Variants in SLC12A5 observed in about 807,000 individuals in gnomAD.
SLC12A5 encodes the protein K-Cl cotransporter 2.
Under a neutral mutation model 124.0 loss-of-function variants are expected in SLC12A5, and 18 were observed. The observed-to-expected ratio is 0.15, with a 90% CI of 0.10 to 0.22. The LOEUF (loss-of-function observed/expected upper bound fraction) is 0.22. Ranked by LOEUF, SLC12A5 falls within the 10% of genes least tolerant of loss-of-function variation. SLC12A5 has a pLI of 1.00. For missense variants in SLC12A5, 867 were observed against 1,478.7 expected (o/e 0.59, Z 6.78); for synonymous variants, 589 against 568.0 (o/e 1.04, Z -0.53).
At chr20:46,023,269 T>C (rs1666135266) in intron 2 of SLC12A5, 1 of 398,398 alleles carries the variant, frequency 2.5e-6, no homozygotes, top group Admixed American at 4.4e-5. Flanking sequence ...ATCTTTCTCA[T>C]AATCTCTTTT....
At chr20:46,043,556 G>A in intron 9 of SLC12A5, 77 bp from the exon 10 acceptor site, 1 of 1,462,234 alleles carries the variant, frequency 6.8e-7, no homozygotes. Context: ...CTGACCCTGA[G>A]GGTGGTGCCC....
chr20:46,057,323 G>A lies in SLC12A5; in HGVS notation c.3259+20G>A. On this transcript the variant is annotated intron_variant, in intron 25 of 25. Transcript: ENST00000243964. This position sits in a 1 kb window ranked among gnomAD's most constrained non-coding sequence, Gnocchi z 7.1. ...AAAACTGTATCCTGGAATTAAAATT[G>A]GGGGAAAGAGGGAGGTGGACGTCAG... is the stretch of plus-strand genomic sequence containing the variant. The A allele has an allele frequency of 6.2e-7, 1 of 1,613,642 alleles. No homozygotes were observed. The highest frequency in any genetic ancestry group is 8.5e-7 in the Non-Finnish European group (1 of 1,179,542).
chr20:46,026,425 C>T (rs1300280819), upstream of SLC12A5, among the ~76,000 whole-genome samples: 1 of 152,180 alleles, frequency 6.6e-6, no homozygotes, highest in African/African-American at 2.4e-5. Flanking sequence ...TTTTTACTGG[C>T]CAGTGCCAGG....
In SLC12A5 at chr20:46,044,978, T is replaced by G; in HGVS notation, c.1407T>G (p.Ala469=). 6.2e-7 allele frequency: 1 copy of G among 1,614,202 alleles called. No individual in the cohort carries two copies. The highest frequency in any genetic ancestry group is 2.2e-5 in the East Asian group (1 of 44,872). ...CACATCATTCCAGGTTTGGCGAAGC[T>G]GTGAATGGCAACCTCGTGGTGGGCA... ...GVVLRDKFGE[A]VNGNLVVGTL... is the part of the protein sequence containing the mutation. Residue 469 remains alanine, a synonymous_variant, in exon 12 of 26, where the codon GCT becomes GCG. Coordinates refer to ENST00000243964, the MANE Select transcript of SLC12A5 (RefSeq NM_020708.5).
intron 18 of SLC12A5, among the ~76,000 whole-genome samples, chr20:46,052,518 C>G (rs887579237): frequency 2.0e-5 from 3 of 152,210 alleles, no homozygotes; most frequent in Non-Finnish European, 4.4e-5. Flanking sequence ...ACCTGGCAAA[C>G]TACAGAGTAA....
chr20:46,047,528 C>A lies in SLC12A5; in HGVS notation c.1862C>A (p.Ala621Asp). 6.2e-7 allele frequency: 1 copy of A among 1,614,058 alleles called. No individual in the cohort carries two copies. The highest frequency in any genetic ancestry group is 8.5e-7 in the Non-Finnish European group (1 of 1,179,960). ...TGCTCCTGGTATTATGCACTGGTAG[C>A]CATGCTCATTGCTGGACTCATCTAC... is the stretch of plus-strand genomic sequence containing the variant. ...FICSWYYALV[A>D]MLIAGLIYKY... Residue 621 changes from alanine (A) to aspartate (D), a missense_variant, in exon 15 of 26, where the codon GCC becomes GAC. Physicochemically the swap from Ala to Asp is moderately radical, Grantham distance 126. Around this residue, in one of 9 missense-constraint regions of SLC12A5, gnomAD observed 152 missense variants for 358.7 expected, o/e 0.42. Coordinates refer to ENST00000243964, the MANE Select transcript of SLC12A5 (RefSeq NM_020708.5).
At chr20:46,031,285 C>G (rs1174976456) in intron 1 of SLC12A5, among the ~76,000 whole-genome samples, 1 of 152,192 alleles carries the variant, frequency 6.6e-6, no homozygotes, top group Non-Finnish European at 1.5e-5. Flanking sequence ...CTGAGTGCAG[C>G]GGACCCATCT....
At chr20:46,048,115 G>A in intron 16 of SLC12A5, 30 bp downstream of exon 16, 1 of 1,573,232 alleles carries the variant, frequency 6.4e-7, no homozygotes. Flanking sequence ...GTGTGCATAA[G>A]AGTGTGTGTG....
At chr20:46,030,687 G>T (rs1266675154) in intron 1 of SLC12A5, among the ~76,000 whole-genome samples, 1 of 152,302 alleles carries the variant, frequency 6.6e-6, no homozygotes, top group African/African-American at 2.4e-5. Flanking sequence ...GAAAGAGCAG[G>T]GTCTTCTAGG....
chr20:46,024,566 T>C (rs142077928), upstream of SLC12A5, among the ~76,000 whole-genome samples: 83 of 152,354 alleles, frequency 5.4e-4, no homozygotes, highest in African/African-American at 1.9e-3. Context: ...GATAGCAGCA[T>C]GTCTAAGACT....
Position 46,056,172 on chromosome 20 carries a change from C to A in SLC12A5, c.2810C>A (p.Ser937Ter). ...EREIQSITDESRGSIRRKNPA... is the reference protein window; with the variant it reads ...EREIQSITDE ...TAGATCCAGAGTATCACAGATGAGT[C>A]ACGAGGCTCAATCCGGAGAAAGAAT... Residue 937 changes from serine to a stop codon, truncating the protein, a stop_gained, in exon 22 of 26, where the codon TCA (serine) becomes TAA (stop). Coordinates refer to ENST00000243964, the MANE Select transcript of SLC12A5 (RefSeq NM_020708.5). LOFTEE classifies it high-confidence loss of function. The surrounding 1 kb of genome is among the most constrained non-coding windows in gnomAD (Gnocchi z 4.3). 1 of 1,614,114 alleles carries A rather than the reference C, an allele frequency of 6.2e-7. No homozygotes were observed. The highest frequency in any genetic ancestry group is 1.1e-5 in the South Asian group (1 of 91,054).
intron 14 of SLC12A5, 57 bp downstream of exon 14, chr20:46,046,493 C>A: frequency 6.8e-6 from 10 of 1,474,112 alleles, no homozygotes; most frequent in Admixed American, 1.7e-5. Flanking sequence ...CACGCCAATC[C>A]TCATCTTACT....
intron 20 of SLC12A5, among the ~76,000 whole-genome samples, chr20:46,054,257 T>C (rs1199658941): frequency 6.6e-6 from 1 of 152,114 alleles, no homozygotes; most frequent in African/African-American, 2.4e-5. Context: ...TATCTAAACA[T>C]AGAAAAAATA....
At chr20:46,041,163 G>A (rs878962016) in intron 7 of SLC12A5, 166 bp from the exon 8 acceptor site, 958 of 503,908 alleles carry the variant, frequency 1.9e-3, no homozygotes, top group African/African-American at 3.1e-3. Flanking sequence ...GGGAGCTTAA[G>A]AAAAAAAAAA....
In SLC12A5 at chr20:46,046,004, C is replaced by A; in HGVS notation, c.1688+8C>A. On this transcript the variant is annotated splice_region_variant and intron_variant, in intron 13 of 25. Coordinates refer to ENST00000243964, the MANE Select transcript of SLC12A5 (RefSeq NM_020708.5). ...GGCCCCCATCCTCTCTATGTGCGTG[C>A]CTGACTTCTTGCCCTCCCCCCTGGT... 1 of 1,611,404 alleles carries A rather than the reference C, an allele frequency of 6.2e-7. No individual in the cohort carries two copies. The highest frequency in any genetic ancestry group is 8.5e-7 in the Non-Finnish European group (1 of 1,177,584).
At chr20:46,046,075 A>G (rs2084592683) in intron 13 of SLC12A5, 79 bp downstream of exon 13, 1 of 1,335,176 alleles carries the variant, frequency 7.5e-7, no homozygotes, top group Non-Finnish European at 1.1e-6. Flanking sequence ...ACCTGTGACA[A>G]CCCACCCAGA....
intron 17 of SLC12A5, among the ~76,000 whole-genome samples, chr20:46,050,566 C>CT (rs11481017): frequency 0.99 from 150,179 of 152,354 alleles, 74,066 homozygotes; most frequent in East Asian, 1. Context: ...AGGGGCACCC[C>CT]GATGGCTTGC....
At chr20:46,031,760 C>G (rs927967889) in intron 1 of SLC12A5, among the ~76,000 whole-genome samples, 4 of 152,148 alleles carry the variant, frequency 2.6e-5, no homozygotes, top group African/African-American at 4.8e-5. Flanking sequence ...AATTGAAAGC[C>G]GATTCGGGTT....
At chr20:46,043,855 C>T (rs2084570425) in intron 10 of SLC12A5, 21 bp from the exon 11 acceptor site, 5 of 1,613,616 alleles carry the variant, frequency 3.1e-6, no homozygotes, top group Non-Finnish European at 4.2e-6. Context: ...CGTGGGGATT[C>T]TCCTTTATCC....
Sources: allele counts gnomAD v4.1 joint callset (sites outside exome capture counted in the v4.1 genomes callset), GRCh38; gene constraint gnomAD v4.1.1; regional missense constraint gnomAD v4.1.1; non-coding constraint Gnocchi (gnomAD v3.1); transcripts MANE v1.5; gene names NCBI Gene and HGNC (gene_info 2026-07-23, HGNC 2026-07-21).